JPH2: variants seen among roughly 807,000 people sequenced by gnomAD.
JPH2 encodes the protein junctophilin-2.
A neutral mutation model predicts 55.9 loss-of-function variants in JPH2; 38 were observed. The observed-to-expected ratio is 0.68, with a 90% CI of 0.52 to 0.89. The LOEUF (loss-of-function observed/expected upper bound fraction) is 0.89. JPH2 is among the 40% of genes least tolerant of loss of function. JPH2 has a pLI of 0.00. For synonymous variants in JPH2, 480 were observed against 472.4 expected (o/e 1.02, Z -0.21); for missense variants, 964 against 1,037.6 (o/e 0.93, Z 0.97).
At position 44,110,369 on chromosome 20, in the gene JPH2, C is replaced by T. The variant is rs2145833757; in HGVS notation, c.*3149G>A. Among the ~76,000 whole-genome samples, 1 of 152,190 alleles carries T rather than the reference C, an allele frequency of 6.6e-6. No homozygotes were observed. The highest frequency in any genetic ancestry group is 2.4e-5 in the African/African-American group (1 of 41,524). On this transcript the variant is annotated 3_prime_UTR_variant, in exon 6 of 6. Coordinates refer to ENST00000372980, the MANE Select transcript of JPH2 (RefSeq NM_020433.5). ...CACTCCCACCTCCCCTCCTGTGCTT[C>T]CTCCAAGCCCATCCTTCCTGGAATC... is the stretch of plus-strand genomic sequence containing the variant.
At chr20:44,181,232 T>C (rs2072781068) in intron 1 of JPH2, among the ~76,000 whole-genome samples, 1 of 152,076 alleles carries the variant, frequency 6.6e-6, no homozygotes, top group Non-Finnish European at 1.5e-5. Context: ...CCAAGTCAAG[T>C]CACCTTAGAA....
At chr20:44,147,902 C>G (rs568748506) in intron 2 of JPH2, among the ~76,000 whole-genome samples, 7 of 152,170 alleles carry the variant, frequency 4.6e-5, no homozygotes, top group Non-Finnish European at 1.0e-4. Context: ...GTGGCTCATG[C>G]CTGTAATTCC....
intron 4 of JPH2, 129 bp downstream of exon 4, chr20:44,115,536 C>T (rs2072181724): frequency 1.6e-6 from 2 of 1,282,616 alleles, no homozygotes; most frequent in African/African-American, 2.9e-5. Flanking sequence ...GCAGCATTTC[C>T]TCCTGCTCTA....
chr20:44,165,952 T>C (rs2072653234), intron 1 of JPH2, among the ~76,000 whole-genome samples: 1 of 152,178 alleles, frequency 6.6e-6, no homozygotes, highest in African/African-American at 2.4e-5. Flanking sequence ...TAGTGCAACA[T>C]ACATTTTGCT....
chr20:44,160,276 T>A lies in JPH2; in HGVS notation c.511A>T (p.Ser171Cys). 5 of 1,535,644 alleles carry A rather than the reference T, an allele frequency of 3.3e-6. No homozygotes were observed. The highest frequency in any genetic ancestry group is 4.4e-6 in the Non-Finnish European group (5 of 1,143,758). Residue 171 changes from serine (S) to cysteine (C), a missense_variant, in exon 2 of 6, where the codon AGC becomes TGC. By Grantham distance (112) the Ser-to-Cys change is moderately radical. Transcript: ENST00000372980. The surrounding 1 kb of genome is among the most constrained non-coding windows in gnomAD (Gnocchi z 4.9). Reference protein sequence around the residue: ...TSLSSLRSEHSNGTVAPDSPA... With the variant: ...TSLSSLRSEHCNGTVAPDSPA... ...GAGTCCGGGGCCACCGTGCCGTTGC[T>A]GTGCTCGCTGCGCAGGGACGACAGC...
At position 44,115,960 on chromosome 20, in the gene JPH2, C is replaced by A; in HGVS notation, c.1715G>T (p.Arg572Leu). The A allele has an allele frequency of 1.3e-6, 2 of 1,572,606 alleles. No homozygotes were observed. The highest frequency in any genetic ancestry group is 1.7e-6 in the Non-Finnish European group (2 of 1,166,638). The change falls in exon 4 of 6, where the codon CGC (arginine) becomes CTC (leucine). Residue 572 changes from arginine (R) to leucine (L), a missense_variant. Transcript: ENST00000372980. ...LYQGYHSYAV[R>L]TTPPEPPPFE... is the part of the protein sequence containing the mutation. ...GGGTGGGGGCTCGGGCGGCGTGGTG[C>A]GCACAGCATAGCTGTGGTAGCCCTG...
intron 2 of JPH2, among the ~76,000 whole-genome samples, chr20:44,155,219 C>A (rs2072557206): frequency 6.6e-6 from 1 of 152,168 alleles, no homozygotes; most frequent in Non-Finnish European, 1.5e-5. Flanking sequence ...CTTCTAACCA[C>A]CCTATGAGGA....
intron 2 of JPH2, among the ~76,000 whole-genome samples, chr20:44,143,116 TG>T (rs1251308245): frequency 1.3e-5 from 2 of 152,112 alleles, no homozygotes; most frequent in African/African-American, 4.8e-5. Context: ...TGGAACAGCA[TG>T]TGCAAAGGAC....
In JPH2 at chr20:44,113,471, G is replaced by A. The variant is rs560673878; in HGVS notation, c.*47C>T. ...ACCCTGCCTGGCACTGCAAAAAGAC[G>A]GGTCCTCATGTCCTCAGCAGGAACT... On this transcript the variant is annotated 3_prime_UTR_variant, in exon 6 of 6. Coordinates refer to ENST00000372980, the MANE Select transcript of JPH2 (RefSeq NM_020433.5). 9 of 152,326 alleles carry A rather than the reference G, an allele frequency of 5.9e-5. No homozygotes were observed. In the East Asian group the frequency reaches 7.8e-4, roughly 13 times the overall value. The allele number at this position is 152,326 out of a possible 1,614,324, so 9.4% of individuals were successfully genotyped here.
intron 2 of JPH2, among the ~76,000 whole-genome samples, chr20:44,126,168 GAGGA>G (rs774393666): frequency 1.9e-4 from 7 of 36,334 alleles, no homozygotes; most frequent in East Asian, 1.8e-3. Context: ...GGGAGGGAGG[GAGGA>G]AGGAAGGAAG....
rs1377533293 is a variant in JPH2, at chr20:44,159,338, G to C, written c.1169+280C>G. The stretch of plus-strand genomic sequence containing the variant: ...AGGAAGTGGAATGGGTAGGGGAATG[G>C]AGTGGATGACTGGAGAGATGGCTGT... On this transcript the variant is annotated intron_variant, in intron 2 of 5. Coordinates refer to ENST00000372980, the MANE Select transcript of JPH2 (RefSeq NM_020433.5). The surrounding 1 kb of genome is among the most constrained non-coding windows in gnomAD (Gnocchi z 5.7). Among the ~76,000 whole-genome samples the C allele has an allele frequency of 6.6e-6, 1 of 152,092 alleles. No homozygotes were observed. Among genetic ancestry groups the C allele is most frequent in the Non-Finnish European group, 1.5e-5 (1 of 68,010 alleles).
rs3827094 is a variant in JPH2, at chr20:44,109,535, G to A, written c.*3983C>T. Among the ~76,000 whole-genome samples the A allele has an allele frequency of 0.42, 64,265 of 152,050 alleles. 13,950 individuals carry two copies. Among genetic ancestry groups the A allele is most frequent in the African/African-American group, 0.53 (21,852 of 41,442 alleles). Reference sequence around the variant, plus strand: ...GGGCTTAGCACAGGGCCTGACCTACGGCCACCTGACTCCATTGAGTGTACC... The same window carrying A: ...GGGCTTAGCACAGGGCCTGACCTACAGCCACCTGACTCCATTGAGTGTACC... On this transcript the variant is annotated 3_prime_UTR_variant, in exon 6 of 6. Coordinates refer to ENST00000372980, the MANE Select transcript of JPH2 (RefSeq NM_020433.5).
At chr20:44,156,862 A>C (rs969362856) in intron 2 of JPH2, among the ~76,000 whole-genome samples, 1 of 152,186 alleles carries the variant, frequency 6.6e-6, no homozygotes, top group African/African-American at 2.4e-5. Context: ...GTTTTAAGAA[A>C]ATCACCCATA....
rs10630926 is a variant in JPH2, at chr20:44,108,632, C to CA, written c.*4885dup. 0.14 allele frequency among the ~76,000 whole-genome samples: 18,120 copies of CA among 126,926 alleles called. 1,390 individuals carry two copies. Among genetic ancestry groups the CA allele is most frequent in the African/African-American group, 0.21 (7,474 of 35,536 alleles). 83.3% of individuals were successfully genotyped at this position (126,926 alleles called of 152,430 possible). On this transcript the variant is annotated 3_prime_UTR_variant, in exon 6 of 6. Transcript: ENST00000372980. ...TGGGTGACAGAATGAGACTCTGTCT[C>CA]AAAAAAAAAAAAAAAGAAAAGAGGA...
chr20:44,149,060 C>T (rs1278536837), intron 2 of JPH2, among the ~76,000 whole-genome samples: 2 of 141,730 alleles, frequency 1.4e-5, no homozygotes, highest in African/African-American at 5.6e-5. Context: ...AGCAAGACTC[C>T]GTCTCAAAAA....
At chr20:44,183,329 A>G (rs1228335800) in intron 1 of JPH2, among the ~76,000 whole-genome samples, 1 of 152,240 alleles carries the variant, frequency 6.6e-6, no homozygotes, top group Admixed American at 6.5e-5. Context: ...AAACAGTTCA[A>G]GGTCACCCAA....
In JPH2 at chr20:44,187,070, G is replaced by A. The variant is rs78014226; in HGVS notation, c.-365C>T. ...AGAAGCCCAGTGAAAGGGTGGGGTG[G>A]AGGGGTCCCCAGCCTTTTCAAAGAG... is the stretch of plus-strand genomic sequence containing the variant. On this transcript the variant is annotated 5_prime_UTR_variant, in exon 1 of 6. Coordinates refer to ENST00000372980, the MANE Select transcript of JPH2 (RefSeq NM_020433.5). 4,495 of 256,976 alleles carry A rather than the reference G, an allele frequency of 0.017. 55 individuals are homozygous for A. The highest frequency in any genetic ancestry group is 0.025 in the African/African-American group (1,144 of 44,918). 15.9% of individuals were successfully genotyped at this position (256,976 alleles called of 1,614,324 possible).
intron 2 of JPH2, among the ~76,000 whole-genome samples, chr20:44,134,094 ATATTTAT>A (rs2072355764): frequency 3.4e-5 from 1 of 29,134 alleles, no homozygotes; most frequent in South Asian, 1.2e-3. Context: ...TTATAAATAT[ATATTTAT>A]TATAAATATA....
intron 2 of JPH2, among the ~76,000 whole-genome samples, chr20:44,130,592 A>G (rs1307318553): frequency 1.3e-5 from 2 of 152,210 alleles, no homozygotes; most frequent in African/African-American, 4.8e-5. Context: ...CTGCAGTTCA[A>G]CCTGGATCTA....
Sources: allele counts gnomAD v4.1 joint callset (sites outside exome capture counted in the v4.1 genomes callset), GRCh38; gene constraint gnomAD v4.1.1; non-coding constraint Gnocchi (gnomAD v3.1); transcripts MANE v1.5; gene names NCBI Gene and HGNC (gene_info 2026-07-23, HGNC 2026-07-21).